SYNE2: variants seen among roughly 807,000 people sequenced by gnomAD.
SYNE2 encodes nesprin-2.
Under a neutral mutation model 856.3 loss-of-function variants are expected in SYNE2, and 431 were observed. The ratio of observed to expected loss-of-function variants is 0.50; its 90% CI spans 0.47 to 0.55. The LOEUF (loss-of-function observed/expected upper bound fraction) is 0.55, where lower values mean the gene tolerates loss of function less well. Among genes scored for constraint, SYNE2 ranks in the 20% least tolerant of loss-of-function variants. SYNE2 has a pLI of 0.00. For synonymous variants in SYNE2, 2,923 were observed against 2,872.3 expected (o/e 1.02, Z -0.56); for missense variants, 8,129 against 8,023.2 (o/e 1.01, Z -0.50).
chr14:63,823,638 T>G (rs888874339), intron 1 of SYNE2, among the ~76,000 whole-genome samples: 1 of 139,026 alleles, frequency 7.2e-6, no homozygotes, highest in Non-Finnish European at 1.6e-5. Context: ...TTTTTTTTTT[T>G]GTCTGAGACA....
At chr14:64,175,195 C>T in intron 95 of SYNE2, 57 bp downstream of exon 95, 1 of 1,592,318 alleles carries the variant, frequency 6.3e-7, no homozygotes, top group Middle Eastern at 1.7e-4. Flanking sequence ...CATAGATTTT[C>T]ATTTGTGGTG....
At chr14:64,140,094 T>A (rs1022824012) in intron 80 of SYNE2, 21 bp downstream of exon 80, 1 of 1,606,968 alleles carries the variant, frequency 6.2e-7, no homozygotes, top group African/African-American at 1.3e-5. Context: ...ATAGCATATG[T>A]TCAGTTAATT....
chr14:63,778,267 C>T (rs1887180758), intron 1 of SYNE2, among the ~76,000 whole-genome samples: 1 of 152,110 alleles, frequency 6.6e-6, no homozygotes, highest in Non-Finnish European at 1.5e-5. Flanking sequence ...TGCCTGCTTC[C>T]CCTTCCTCTG....
intron 60 of SYNE2, among the ~76,000 whole-genome samples, chr14:64,092,300 C>T (rs2097627863): frequency 1.3e-5 from 2 of 152,284 alleles, no homozygotes; most frequent in Admixed American, 6.5e-5. Flanking sequence ...TTTTCCATCT[C>T]ATTGTGCTGG....
In SYNE2 at chr14:64,113,370, T is replaced by G. The variant is rs908687663; in HGVS notation, c.12639T>G (p.Thr4213=). 8.1e-6 allele frequency: 13 copies of G among 1,614,056 alleles called. No individual in the cohort carries two copies. Among genetic ancestry groups the G allele is most frequent in the Middle Eastern group, 1.7e-4 (1 of 5,970 alleles). The part of the protein sequence containing the change: ...EGTTPPIEAD[T]LDSSDAQGGL... ...CCACACCTCCTATTGAGGCTGACAC[T>G]CTGGACTCTTCTGACGCGCAAGGAG... The change falls in exon 66 of 116, where the codon ACT becomes ACG. Residue 4213 remains threonine (T), a synonymous_variant. Transcript: ENST00000555002.
intron 49 of SYNE2, among the ~76,000 whole-genome samples, chr14:64,060,039 A>G (rs1289261624): frequency 2.6e-5 from 4 of 152,052 alleles, no homozygotes; most frequent in Admixed American, 2.6e-4. Flanking sequence ...CCTGAGACTC[A>G]CCATTCAGGA....
Position 64,221,618 on chromosome 14 carries a change from A to C in SYNE2, c.20104A>C (p.Ser6702Arg). The change falls in exon 112 of 116, where the codon AGT becomes CGT. Residue 6702 changes from serine (S) to arginine (R), a missense_variant. Ser to Arg is a moderately radical substitution (Grantham distance 110, BLOSUM62 -1). Around this residue, in one of 3 missense-constraint regions of SYNE2, gnomAD observed 5,410 missense variants for 5,284.8 expected, o/e 1.02. Transcript: ENST00000555002. ...LSQNLLLWLA[S>R]AKNRRQKAHV... ...TCAAAATCTGCTGCTGTGGTTAGCG[A>C]GTGCCAAGAACCGGAGGCAGAAGGC... 6.2e-7 allele frequency: 1 copy of C among 1,614,122 alleles called. No homozygotes were observed. Among genetic ancestry groups the C allele is most frequent in the South Asian group, 1.1e-5 (1 of 91,082 alleles).
chr14:63,904,234 C>T (rs888730548), intron 1 of SYNE2, among the ~76,000 whole-genome samples: 1 of 152,066 alleles, frequency 6.6e-6, no homozygotes, highest in Non-Finnish European at 1.5e-5. Flanking sequence ...GATGGGAACC[C>T]AGGCTGAATC....
Position 63,974,892 on chromosome 14 carries a change from GTATATATA to G in SYNE2, c.1129-1653_1129-1646del, listed in dbSNP as rs145247655. Among the ~76,000 whole-genome samples, 73 of 67,324 alleles carry G rather than the reference GTATATATA, an allele frequency of 1.1e-3. 1 individual carries two copies. Among genetic ancestry groups the G allele is most frequent in the African/African-American group, 1.6e-3 (35 of 22,370 alleles). The allele number at this position is 67,324 out of a possible 152,430, so 44.2% of individuals were successfully genotyped here. ...TGTGTGTGTGTGTGTGTGTGTGTGT[GTATATATA>G]TATATATATATATATATGTATCTTG... On this transcript the variant is annotated intron_variant, in intron 11 of 115. Coordinates refer to ENST00000555002, the MANE Select transcript of SYNE2 (RefSeq NM_182914.3).
At chr14:64,012,449 G>A (rs2096854286) in intron 32 of SYNE2, among the ~76,000 whole-genome samples, 2 of 152,160 alleles carry the variant, frequency 1.3e-5, no homozygotes, top group Non-Finnish European at 2.9e-5. Flanking sequence ...TGTTAAACTT[G>A]TTATTTAACT....
At chr14:64,127,566 C>CT (rs2097960610) in intron 73 of SYNE2, among the ~76,000 whole-genome samples, 1 of 151,976 alleles carries the variant, frequency 6.6e-6, no homozygotes, top group East Asian at 1.9e-4. Flanking sequence ...GTTTTTCTAG[C>CT]TAGAGGGAGC....
At position 64,188,530 on chromosome 14, in the gene SYNE2, A is replaced by G. The variant is rs754951624; in HGVS notation, c.17713-20A>G. The stretch of plus-strand genomic sequence containing the variant: ...TCCTTCCTGGCTATACTCAGCTGCC[A>G]AATGTATTTTCATTTGCAGGTGGCC... On this transcript the variant is annotated intron_variant, in intron 97 of 115. Transcript: ENST00000555002. 9.0e-5 allele frequency: 145 copies of G among 1,614,094 alleles called. No homozygotes were observed. Among genetic ancestry groups the G allele is most frequent in the Non-Finnish European group, 1.2e-4 (141 of 1,180,044 alleles).
intron 30 of SYNE2, among the ~76,000 whole-genome samples, chr14:64,005,681 C>CTTATTGAAT (rs2096790789): frequency 6.6e-6 from 1 of 152,186 alleles, no homozygotes; most frequent in Non-Finnish European, 1.5e-5. Flanking sequence ...ATTAGACATT[C>CTTATTGAAT]AAGCAGCAAT....
chr14:64,208,072 G>T (rs1331880586), intron 100 of SYNE2: 1 of 456,022 alleles, frequency 2.2e-6, no homozygotes, highest in South Asian at 1.5e-5. Flanking sequence ...CTTCATAAAT[G>T]TTATTTTTCC....
intron 57 of SYNE2, among the ~76,000 whole-genome samples, chr14:64,082,120 A>C (rs991350973): frequency 6.6e-6 from 1 of 151,844 alleles, no homozygotes; most frequent in Non-Finnish European, 1.5e-5. Context: ...GATAGTGCTG[A>C]TGGTTTTGGT....
intron 96 of SYNE2, among the ~76,000 whole-genome samples, chr14:64,182,368 A>T (rs1009605751): frequency 5.0e-5 from 7 of 139,926 alleles, no homozygotes; most frequent in East Asian, 2.0e-4. Flanking sequence ...TTATTTATTT[A>T]TTTTTTATTT....
intron 1 of SYNE2, among the ~76,000 whole-genome samples, chr14:63,893,821 A>G (rs2095192416): frequency 6.6e-6 from 1 of 152,166 alleles, no homozygotes; most frequent in Non-Finnish European, 1.5e-5. Flanking sequence ...GCCAAGCTAA[A>G]CATTCAGGAT....
At chr14:63,847,225 G>A (rs557687334) in intron 1 of SYNE2, among the ~76,000 whole-genome samples, 6 of 151,790 alleles carry the variant, frequency 4.0e-5, no homozygotes, top group Admixed American at 1.3e-4. Flanking sequence ...TAGGAGGATT[G>A]CTTGAGCCTA....
chr14:64,101,078 G>A (rs977151061), intron 63 of SYNE2, among the ~76,000 whole-genome samples: 3 of 152,156 alleles, frequency 2.0e-5, no homozygotes, highest in Admixed American at 6.5e-5. Flanking sequence ...GGTTAATTCC[G>A]TATCTTGGTT....
Sources: allele counts gnomAD v4.1 joint callset (sites outside exome capture counted in the v4.1 genomes callset), GRCh38; gene constraint gnomAD v4.1.1; regional missense constraint gnomAD v4.1.1; transcripts MANE v1.5; gene names NCBI Gene and HGNC (gene_info 2026-07-23, HGNC 2026-07-21).